Variants in SPTBN4 observed in about 807,000 individuals in gnomAD.
SPTBN4 encodes the protein spectrin beta, non-erythrocytic 4, also known as spectrin beta chain, non-erythrocytic 4.
In SPTBN4, 96 loss-of-function variants were observed where a neutral mutation model predicts 277.8. That is an observed-to-expected ratio of 0.35 (90% confidence interval 0.29 to 0.41). The LOEUF (loss-of-function observed/expected upper bound fraction) is 0.41, where lower values mean the gene tolerates loss of function less well. Among genes scored for constraint, SPTBN4 ranks in the 10% least tolerant of loss-of-function variants. The pLI, the probability that SPTBN4 is intolerant of heterozygous loss-of-function variation, is 1.00. For synonymous variants in SPTBN4, 1,481 were observed against 1,580.3 expected (o/e 0.94, Z 1.49); for missense variants, 3,006 against 3,595.7 (o/e 0.84, Z 4.19).
Position 40,490,725 on chromosome 19 carries a change from A to G in SPTBN4, c.495+477A>G, listed in dbSNP as rs1174769973. ...ACATAAATATGTAAAGAAGACATGT[A>G]TGGAAAAAGGACCAGTTCTAGTTAG... On this transcript the variant is annotated intron_variant, in intron 4 of 35. Transcript: ENST00000598249. This position sits in a 1 kb window ranked among gnomAD's most constrained non-coding sequence, Gnocchi z 4.3. Among the ~76,000 whole-genome samples the G allele has an allele frequency of 1.3e-5, 2 of 152,178 alleles. No homozygotes were observed. The highest frequency in any genetic ancestry group is 3.8e-4 in the East Asian group (2 of 5,196).
rs764997183 is a variant in SPTBN4, at chr19:40,502,107, C to G, written c.898-21C>G. ...AGGCACGGGTGGGATGAGGCTGACC[C>G]CCCTTCCTCTGCTGTGTCAGGTCTT... On this transcript the variant is annotated intron_variant, in intron 8 of 35. Transcript: ENST00000598249. The surrounding 1 kb of genome is among the most constrained non-coding windows in gnomAD (Gnocchi z 4.9). 2 of 1,613,194 alleles carry G rather than the reference C, an allele frequency of 1.2e-6. No individual in the cohort carries two copies. The highest frequency in any genetic ancestry group is 2.2e-5 in the South Asian group (2 of 91,042).
chr19:40,563,586 A>G (rs2081064147), intron 27 of SPTBN4, among the ~76,000 whole-genome samples: 1 of 151,778 alleles, frequency 6.6e-6, no homozygotes, highest in Middle Eastern at 3.4e-3. Flanking sequence ...TATTAAAACT[A>G]TTAATGAGGC....
At chr19:40,575,359 T>A in intron 35 of SPTBN4, 52 bp from the exon 36 acceptor site, 3 of 1,573,486 alleles carry the variant, frequency 1.9e-6, no homozygotes, top group Non-Finnish European at 2.6e-6. Context: ...TCACCTATTA[T>A]TCCAGCTTCT....
At chr19:40,506,175 G>A in intron 12 of SPTBN4, 61 bp from the exon 13 acceptor site, 1 of 1,551,606 alleles carries the variant, frequency 6.4e-7, no homozygotes, top group South Asian at 1.2e-5. Context: ...TAGGCAATGG[G>A]GGAGAGGTGA....
In SPTBN4 at chr19:40,472,749, C is replaced by T. The variant is rs377262825; in HGVS notation, c.128C>T (p.Ala43Val). The T allele has an allele frequency of 2.8e-5, 44 of 1,578,058 alleles. No homozygotes were observed. The highest frequency in any genetic ancestry group is 6.8e-5 in the African/African-American group (5 of 73,700). Residue 43 changes from alanine to valine, a missense_variant, in exon 2 of 36, where the codon GCG becomes GTG. Ala to Val is a moderately conservative substitution (Grantham distance 64). Transcript: ENST00000598249. The stretch of plus-strand genomic sequence containing the variant: ...GAGCAGCCGGCTGCGTCCACCGCAG[C>T]GGCCTCGCTCTTTGAGTGCTCCCGG... ...EREQPAASTAAASLFECSRIK... is the reference protein window; with the variant it reads ...EREQPAASTAVASLFECSRIK...
At chr19:40,484,724 G>C (rs1023723445) in intron 2 of SPTBN4, among the ~76,000 whole-genome samples, 1 of 151,738 alleles carries the variant, frequency 6.6e-6, no homozygotes, top group Non-Finnish European at 1.5e-5. Context: ...TCAGGAGATG[G>C]AGACCATCCT....
intron 1 of SPTBN4, among the ~76,000 whole-genome samples, chr19:40,470,681 A>G (rs1423460707): frequency 6.6e-6 from 1 of 150,922 alleles, no homozygotes; most frequent in Non-Finnish European, 1.5e-5. Flanking sequence ...CGCCCAGGAT[A>G]GAGTGCAGTG....
chr19:40,547,827 T>G (rs192428441), intron 20 of SPTBN4, among the ~76,000 whole-genome samples: 1 of 152,240 alleles, frequency 6.6e-6, no homozygotes, highest in Non-Finnish European at 1.5e-5. Context: ...TGCAGAAGTA[T>G]TTTTATGTGA....
At chr19:40,527,645 C>T (rs1245481555) in intron 17 of SPTBN4, among the ~76,000 whole-genome samples, 1 of 152,166 alleles carries the variant, frequency 6.6e-6, no homozygotes, top group Non-Finnish European at 1.5e-5. Context: ...TGCCAAGGGC[C>T]TGAGGCTTGC....
intron 6 of SPTBN4, among the ~76,000 whole-genome samples, chr19:40,495,382 C>T (rs1161743866): frequency 6.6e-6 from 1 of 152,200 alleles, no homozygotes; most frequent in Non-Finnish European, 1.5e-5. Context: ...GTGGCTCACA[C>T]TTGTAATCCC....
chr19:40,556,996 A>AACCCC (rs2080986337), intron 25 of SPTBN4, 27 bp from the exon 26 acceptor site: 3 of 1,365,090 alleles, frequency 2.2e-6, no homozygotes, highest in Non-Finnish European at 2.9e-6. Flanking sequence ...ACTTTGCTGT[A>AACCCC]CCCCCCCCCC....
At chr19:40,500,397 A>G (rs996258135) in intron 7 of SPTBN4, among the ~76,000 whole-genome samples, 3 of 152,252 alleles carry the variant, frequency 2.0e-5, no homozygotes, top group African/African-American at 7.2e-5. Flanking sequence ...ACTGGGATCC[A>G]AGTGCATGCT....
intron 3 of SPTBN4, among the ~76,000 whole-genome samples, chr19:40,488,973 C>T (rs770155961): frequency 6.6e-6 from 1 of 151,778 alleles, no homozygotes; most frequent in Non-Finnish European, 1.5e-5. Flanking sequence ...GAGACCCTGT[C>T]TCAAAAATAA....
chr19:40,555,152 G>C (rs1312569925), intron 24 of SPTBN4: 1 of 153,120 alleles, frequency 6.5e-6, no homozygotes, highest in African/African-American at 2.4e-5. Context: ...ATTGGGGCTA[G>C]AGGTGGGATG....
intron 25 of SPTBN4, 68 bp downstream of exon 25, chr19:40,556,356 A>G: frequency 7.1e-7 from 1 of 1,411,018 alleles, no homozygotes; most frequent in South Asian, 1.3e-5. Context: ...TAGTTTCCTC[A>G]TCTGTAGTAT....
intron 27 of SPTBN4, among the ~76,000 whole-genome samples, chr19:40,564,221 G>T (rs2081071115): frequency 6.6e-6 from 1 of 152,194 alleles, no homozygotes; most frequent in Admixed American, 6.5e-5. Flanking sequence ...GCCAGGCATG[G>T]TGGCAGGTGC....
chr19:40,519,427 A>C lies in SPTBN4; in HGVS notation c.2930A>C (p.Glu977Ala), dbSNP rs1214921254. ...TGGAACCGCATCGTGGAGCTAGTGG[A>C]ACAGCGCAAAGAGGAAATGAGCGCG... ...SRWNRIVELVEQRKEEMSAVL... is the reference protein window; with the variant it reads ...SRWNRIVELVAQRKEEMSAVL... The change falls in exon 16 of 36, where the codon GAA becomes GCA. Residue 977 changes from glutamate to alanine, a missense_variant. Around this residue, in one of 5 missense-constraint regions of SPTBN4, gnomAD observed 1,759 missense variants for 2,061.5 expected, o/e 0.85. Coordinates refer to ENST00000598249, the MANE Select transcript of SPTBN4 (RefSeq NM_020971.3). The surrounding 1 kb of genome is among the most constrained non-coding windows in gnomAD (Gnocchi z 5.7). 4.4e-6 allele frequency: 7 copies of C among 1,589,750 alleles called. No individual in the cohort carries two copies. Among genetic ancestry groups the C allele is most frequent in the Non-Finnish European group, 5.1e-6 (6 of 1,170,396 alleles).
intron 6 of SPTBN4, 134 bp from the exon 7 acceptor site, chr19:40,497,355 A>T: frequency 9.0e-6 from 6 of 663,978 alleles, no homozygotes. Flanking sequence ...CAGCACACAC[A>T]GCTTGCCCCT....
chr19:40,506,582 G>A (rs1048544819), intron 13 of SPTBN4, among the ~76,000 whole-genome samples, 196 bp downstream of exon 13: 5 of 152,304 alleles, frequency 3.3e-5, no homozygotes, highest in South Asian at 2.1e-4. Context: ...TGGGCCACTC[G>A]ACCTCTTCCT....
Sources: gnomAD v4.1 joint callset for allele counts (sites outside exome capture counted in the v4.1 genomes callset) on GRCh38, gnomAD v4.1.1 for gene constraint, gnomAD v4.1.1 regional missense constraint, Gnocchi (gnomAD v3.1) non-coding constraint, MANE v1.5 for transcripts, NCBI Gene and HGNC (gene_info 2026-07-23, HGNC 2026-07-21) for gene names.